The following RAD51B variants were observed in gnomAD, a reference collection of about 807,000 sequenced individuals.
The protein encoded by RAD51B is RAD51 paralog B.
A neutral mutation model predicts 42.2 loss-of-function variants in RAD51B; 38 were observed. The ratio of observed to expected loss-of-function variants is 0.90; its 90% CI spans 0.70 to 1.18. The LOEUF (loss-of-function observed/expected upper bound fraction) is 1.18, where lower values mean the gene tolerates loss of function less well. Ranked by LOEUF, RAD51B falls within the 50% of genes most tolerant of loss-of-function variation. RAD51B has a pLI of 0.00. For missense variants in RAD51B, 373 were observed against 400.7 expected, an observed-to-expected ratio of 0.93 and a Z score of 0.59; for synonymous variants, 154 against 145.2, an observed-to-expected ratio of 1.06 and a Z score of -0.43.
rs542796688 is a variant in RAD51B, at chr14:68,188,945, A to G, written c.757-102939A>G. 9.9e-5 allele frequency among the ~76,000 whole-genome samples: 15 copies of G among 151,762 alleles called. No homozygotes were observed. In the South Asian group the frequency reaches 3.1e-3, roughly 32 times the overall value. On this transcript the variant is annotated intron_variant, in intron 7 of 10. Coordinates refer to ENST00000471583, the MANE Select transcript of RAD51B (RefSeq NM_133510.4). ...AGCTTCTCTGCTTGGTGAAACTCGT[A>G]TGTTTATAGCTCTTTGATAAGGCTT...
intron 9 of RAD51B, among the ~76,000 whole-genome samples, chr14:68,443,238 A>G (rs17755734): frequency 0.16 from 23,990 of 152,186 alleles, 2,503 homozygotes; most frequent in Non-Finnish European, 0.23. Flanking sequence ...GATGAGTTGG[A>G]TCCCATCTCT....
intron 7 of RAD51B, among the ~76,000 whole-genome samples, chr14:68,252,812 GA>G (rs2139508318): frequency 6.6e-6 from 1 of 152,098 alleles, no homozygotes; most frequent in African/African-American, 2.4e-5. Context: ...CAGGTGTGGT[GA>G]CTCACTCCTG....
Position 67,823,666 on chromosome 14 carries a change from C to T in RAD51B, c.84+39C>T, listed in dbSNP as rs1162912272. 4.0e-6 allele frequency: 6 copies of T among 1,489,078 alleles called. No individual in the cohort carries two copies. The African/African-American group carries it at 4.2e-5, about 10-fold the overall frequency. The allele number at this position is 1,489,078 out of a possible 1,614,324, so 92.2% of individuals were successfully genotyped here. A position where few individuals can be genotyped will look rare whatever the true frequency, so the allele number is the denominator to read the frequency against. On this transcript the variant is annotated intron_variant, in intron 2 of 10. Coordinates refer to ENST00000471583, the MANE Select transcript of RAD51B (RefSeq NM_133510.4). ...AACATTTTTATTGATAAGTTTTATGCACAAGTTAACTTTATACCTTAATAC... is the reference window on the plus strand; with the variant it reads ...AACATTTTTATTGATAAGTTTTATGTACAAGTTAACTTTATACCTTAATAC...
chr14:68,611,243 T>G (rs1349925953), exon 11 of RAD51B: 1 of 703,008 alleles, frequency 1.4e-6, no homozygotes, highest in Non-Finnish European at 2.6e-6. Context: ...GAGCATCCAG[T>G]GTAACCCAGC....
chr14:67,848,296 C>T (rs8005494), intron 4 of RAD51B, among the ~76,000 whole-genome samples: 6,083 of 152,280 alleles, frequency 0.04, 325 homozygotes, highest in African/African-American at 0.12. Flanking sequence ...GGATTACAGG[C>T]GTGAGCCACC....
intron 7 of RAD51B, among the ~76,000 whole-genome samples, chr14:67,974,381 G>T (rs753169902): frequency 1.3e-5 from 2 of 152,018 alleles, no homozygotes; most frequent in Non-Finnish European, 2.9e-5. Context: ...CTTTCAGTTA[G>T]CAACTGAATA....
intron 7 of RAD51B, among the ~76,000 whole-genome samples, chr14:68,278,410 C>T (rs1307151083): frequency 2.0e-5 from 3 of 152,174 alleles, no homozygotes; most frequent in African/African-American, 7.2e-5. Context: ...ATAATGTCAC[C>T]TACCTCATGG....
intron 7 of RAD51B, among the ~76,000 whole-genome samples, chr14:68,173,690 G>A (rs2140863886): frequency 6.6e-6 from 1 of 152,292 alleles, no homozygotes; most frequent in South Asian, 2.1e-4. Context: ...TTGTCATATT[G>A]AAGCAGCAGC....
chr14:68,482,868 A>G (rs1883309476), downstream of RAD51B, among the ~76,000 whole-genome samples: 2 of 152,176 alleles, frequency 1.3e-5, no homozygotes, highest in African/African-American at 4.8e-5. Flanking sequence ...GTCAGGACAC[A>G]TTTGGTTTTG....
chr14:68,338,281 G>A (rs1294414801), intron 8 of RAD51B, among the ~76,000 whole-genome samples: 1 of 152,198 alleles, frequency 6.6e-6, no homozygotes, highest in Non-Finnish European at 1.5e-5. Context: ...TTGCCCAGGT[G>A]TAGCTCTCTG....
chr14:68,290,862 A>G (rs2081502407), intron 7 of RAD51B, among the ~76,000 whole-genome samples: 1 of 151,994 alleles, frequency 6.6e-6, no homozygotes, highest in African/African-American at 2.4e-5. Flanking sequence ...GCTGGAGTGC[A>G]ATGGCACGAT....
chr14:68,150,285 A>C lies in RAD51B; in HGVS notation c.757-141599A>C, dbSNP rs186094682. 1.5e-4 allele frequency among the ~76,000 whole-genome samples: 23 copies of C among 152,222 alleles called. No individual in the cohort carries two copies. In the South Asian group the frequency reaches 4.3e-3, roughly 29 times the overall value. ...TCCAACTTTGTTTTTCTTTGTCAGT[A>C]TTATGTTGGCTATTAGTTTGTTTCC... On this transcript the variant is annotated intron_variant, in intron 7 of 10. Coordinates refer to ENST00000471583, the MANE Select transcript of RAD51B (RefSeq NM_133510.4).
At chr14:68,497,025 A>G (rs1884576727) in intron 10 of RAD51B, 1 of 1,181,242 alleles carries the variant, frequency 8.5e-7, no homozygotes, top group South Asian at 1.4e-5. Flanking sequence ...TTTCCCCATA[A>G]CTTCAATAAA....
rs544468838 is a variant in RAD51B, at chr14:68,314,873, G to C, written c.853+22893G>C. Among the ~76,000 whole-genome samples the C allele has an allele frequency of 2.6e-5, 4 of 152,282 alleles. No homozygotes were observed. The East Asian group carries it at 5.8e-4, about 22-fold the overall frequency. ...CACTGCCACCACCATCCAGTTGCCA[G>C]AACCCAGTTGGTTTTCTGTGAAACG... On this transcript the variant is annotated intron_variant, in intron 8 of 10. Coordinates refer to ENST00000471583, the MANE Select transcript of RAD51B (RefSeq NM_133510.4).
chr14:68,613,480 G>A (rs1328702268), downstream of RAD51B, among the ~76,000 whole-genome samples: 2 of 147,204 alleles, frequency 1.4e-5, no homozygotes, highest in African/African-American at 5.0e-5. Context: ...TTGAGATGGA[G>A]TCTCACTCTG....
chr14:68,090,294 A>G (rs1469420420), intron 7 of RAD51B, among the ~76,000 whole-genome samples: 1 of 152,182 alleles, frequency 6.6e-6, no homozygotes, highest in African/African-American at 2.4e-5. Context: ...AAAAATAGGG[A>G]TCTTTTGGTA....
chr14:68,624,014 G>A (rs1396186225), intron 10 of RAD51B, among the ~76,000 whole-genome samples: 1 of 152,174 alleles, frequency 6.6e-6, no homozygotes, highest in African/African-American at 2.4e-5. Flanking sequence ...TGAGCCTTTT[G>A]GTCAGGAAGG....
At chr14:67,958,916 A>C (rs1595167430) in intron 7 of RAD51B, among the ~76,000 whole-genome samples, 1 of 152,264 alleles carries the variant, frequency 6.6e-6, no homozygotes, top group East Asian at 1.9e-4. Context: ...ATTTCCTTGA[A>C]AACCTTTCTT....
intron 10 of RAD51B, among the ~76,000 whole-genome samples, chr14:68,505,546 C>CT (rs34764928): frequency 0.069 from 7,784 of 112,100 alleles, 707 homozygotes; most frequent in African/African-American, 0.18. Flanking sequence ...ATTAGCCAAT[C>CT]TTTTTTTTTT....
Sources: gnomAD v4.1 joint callset for allele counts (sites outside exome capture counted in the v4.1 genomes callset) on GRCh38, gnomAD v4.1.1 for gene constraint, MANE v1.5 for transcripts, NCBI Gene and HGNC (gene_info 2026-07-23, HGNC 2026-07-21) for gene names.